MFHAS1: variants seen among roughly 807,000 people sequenced by gnomAD.
MFHAS1 encodes the protein multifunctional ROCO family signaling regulator 1, also known as malignant fibrous histiocytoma-amplified sequence 1.
MFHAS1 carries 50 observed loss-of-function variants against 70.4 expected under a neutral mutation model. The observed-to-expected ratio is 0.71, with a 90% confidence interval of 0.57 to 0.90. MFHAS1 has a LOEUF of 0.90. Ranked by LOEUF, MFHAS1 falls within the 40% of genes least tolerant of loss-of-function variation. MFHAS1 has a pLI of 0.00. For missense variants in MFHAS1, 1,795 were observed against 1,347.6 expected, an observed-to-expected ratio of 1.33 and a Z score of -5.20; for synonymous variants, 952 against 620.0, an observed-to-expected ratio of 1.54 and a Z score of -7.96.
chr8:8,869,990 C>A (rs888255287), intron 1 of MFHAS1, among the ~76,000 whole-genome samples: 1 of 152,184 alleles, frequency 6.6e-6, no homozygotes, highest in Non-Finnish European at 1.5e-5. Flanking sequence ...TTCCACACTG[C>A]TGCCCTGAGT....
At chr8:8,821,327 T>A (rs1010580327) in intron 1 of MFHAS1, among the ~76,000 whole-genome samples, 1 of 152,228 alleles carries the variant, frequency 6.6e-6, no homozygotes, top group South Asian at 2.1e-4. Flanking sequence ...CTACTAAGCC[T>A]ATTTCCACCC....
chr8:8,819,833 A>G (rs1362699910), intron 1 of MFHAS1, among the ~76,000 whole-genome samples: 1 of 151,968 alleles, frequency 6.6e-6, no homozygotes, highest in African/African-American at 2.4e-5. Context: ...CGAGTTTCTG[A>G]GACCACAGGT....
intron 1 of MFHAS1, among the ~76,000 whole-genome samples, chr8:8,801,086 G>A (rs1166994306): frequency 5.3e-5 from 8 of 152,062 alleles, no homozygotes; most frequent in Non-Finnish European, 1.0e-4. Flanking sequence ...GTGGTGGCAC[G>A]CGCCTGTAGT....
At chr8:8,825,879 C>T (rs757509703) in intron 1 of MFHAS1, among the ~76,000 whole-genome samples, 6 of 152,106 alleles carry the variant, frequency 3.9e-5, no homozygotes, top group Admixed American at 6.6e-5. Flanking sequence ...TCCTTCAGCT[C>T]CTGGAGATTG....
chr8:8,801,403 C>A (rs996173240), intron 1 of MFHAS1, among the ~76,000 whole-genome samples: 1 of 152,180 alleles, frequency 6.6e-6, no homozygotes, highest in Non-Finnish European at 1.5e-5. Context: ...AAGTTTCACA[C>A]ATGTGAAAAA....
intron 1 of MFHAS1, among the ~76,000 whole-genome samples, chr8:8,845,598 G>T (rs558252776): frequency 6.6e-6 from 1 of 152,098 alleles, no homozygotes; most frequent in South Asian, 2.1e-4. Flanking sequence ...CTTCCTCAGT[G>T]GTCTTTTCTA....
At chr8:8,843,734 C>A (rs1008394185) in intron 1 of MFHAS1, among the ~76,000 whole-genome samples, 3 of 152,136 alleles carry the variant, frequency 2.0e-5, no homozygotes, top group Non-Finnish European at 4.4e-5. Context: ...TCTCCCCACA[C>A]GTCACCCTGC....
intron 1 of MFHAS1, among the ~76,000 whole-genome samples, chr8:8,850,570 G>C (rs948696334): frequency 6.6e-6 from 1 of 152,024 alleles, no homozygotes; most frequent in Non-Finnish European, 1.5e-5. Flanking sequence ...GGTCGGGTGC[G>C]GTAGCTCACG....
chr8:8,787,793 C>G (rs1386062935), intron 2 of MFHAS1, among the ~76,000 whole-genome samples: 2 of 152,234 alleles, frequency 1.3e-5, no homozygotes, highest in East Asian at 1.9e-4. Flanking sequence ...GAAATGCAGA[C>G]AGTCTGCTCC....
At chr8:8,794,259 A>T (rs540421493) in intron 2 of MFHAS1, among the ~76,000 whole-genome samples, 2 of 152,110 alleles carry the variant, frequency 1.3e-5, no homozygotes, top group African/African-American at 4.8e-5. Context: ...GTTGAAAGCC[A>T]GTGCAATAGC....
chr8:8,833,831 T>G (rs938741795), intron 1 of MFHAS1, among the ~76,000 whole-genome samples: 2 of 152,158 alleles, frequency 1.3e-5, no homozygotes, highest in African/African-American at 4.8e-5. Context: ...CATACTGCAG[T>G]ACTTCCTAAA....
rs1281729439 is a variant in MFHAS1, at chr8:8,891,412, C to G, written c.1647G>C (p.Glu549Asp). ...TCTGGCGGTGAATGTCCAGACATTTCTCCTCCAGCTCACGCTCTCCGCACA... is the reference window on the plus strand; with the variant it reads ...TCTGGCGGTGAATGTCCAGACATTTGTCCTCCAGCTCACGCTCTCCGCACA... ...ADLCGERELE[E>D]KCLDIHRQIA... Residue 549 changes from glutamate (E) to aspartate (D), a missense_variant, in exon 1 of 3, where the codon GAG becomes GAC. Coordinates refer to ENST00000276282, the MANE Select transcript of MFHAS1 (RefSeq NM_004225.3). The surrounding 1 kb of genome is among the most constrained non-coding windows in gnomAD (Gnocchi z 5.4). 3 of 1,612,670 alleles carry G rather than the reference C, an allele frequency of 1.9e-6. No homozygotes were observed. The East Asian group carries it at 6.7e-5, about 36-fold the overall frequency.
intron 1 of MFHAS1, among the ~76,000 whole-genome samples, chr8:8,826,770 G>A (rs1807179964): frequency 6.6e-6 from 1 of 151,994 alleles, no homozygotes; most frequent in African/African-American, 2.4e-5. Flanking sequence ...AAATATTTTG[G>A]GTTTTCCGAT....
chr8:8,813,933 T>TTTTATC (rs1806641629), intron 1 of MFHAS1, among the ~76,000 whole-genome samples: 2 of 151,748 alleles, frequency 1.3e-5, no homozygotes, highest in African/African-American at 4.8e-5. Flanking sequence ...TATACCACAT[T>TTTTATC]TTTATCTTTT....
intron 1 of MFHAS1, among the ~76,000 whole-genome samples, chr8:8,847,958 A>G (rs1337144831): frequency 2.0e-5 from 3 of 152,238 alleles, no homozygotes; most frequent in African/African-American, 7.2e-5. Flanking sequence ...TGTGATGCAC[A>G]CATGTAACAT....
intron 2 of MFHAS1, among the ~76,000 whole-genome samples, chr8:8,792,132 G>C (rs1412418431): frequency 6.6e-6 from 1 of 150,498 alleles, no homozygotes; most frequent in Non-Finnish European, 1.5e-5. Context: ...CAGCTACTCG[G>C]CAGGGATAAC....
rs145250762 is a variant in MFHAS1, at chr8:8,849,064, CTTTTTTTTTTT to C, written c.2998+40986_2998+40996del. Among the ~76,000 whole-genome samples, 186 of 75,806 alleles carry C rather than the reference CTTTTTTTTTTT, an allele frequency of 2.5e-3. 1 individual carries two copies. The East Asian group carries it at 0.049, about 20-fold the overall frequency. 49.7% of individuals were successfully genotyped at this position (75,806 alleles called of 152,430 possible). A position where few individuals can be genotyped will look rare whatever the true frequency, so the allele number is the denominator to read the frequency against. Reference sequence around the variant, plus strand: ...TCTGCAGCAATTAATTCCTTTTTACCTTTTTTTTTTTTTTTTTTTTTTTTTTTTTTTGGAGA... The same window carrying C: ...TCTGCAGCAATTAATTCCTTTTTACCTTTTTTTTTTTTTTTTTTTTGGAGA... On this transcript the variant is annotated intron_variant, in intron 1 of 2. Coordinates refer to ENST00000276282, the MANE Select transcript of MFHAS1 (RefSeq NM_004225.3).
chr8:8,810,461 C>T (rs1235659650), intron 1 of MFHAS1, among the ~76,000 whole-genome samples: 1 of 152,216 alleles, frequency 6.6e-6, no homozygotes, highest in African/African-American at 2.4e-5. Flanking sequence ...TCTTCCACTT[C>T]TGCCACCTCC....
intron 1 of MFHAS1, among the ~76,000 whole-genome samples, chr8:8,878,094 G>C (rs893530303): frequency 6.6e-6 from 1 of 152,122 alleles, no homozygotes; most frequent in Non-Finnish European, 1.5e-5. Context: ...TGAGACCCCT[G>C]ATGGCGCTCT....
Sources: gnomAD v4.1 joint callset for allele counts (sites outside exome capture counted in the v4.1 genomes callset) on GRCh38, gnomAD v4.1.1 for gene constraint, Gnocchi (gnomAD v3.1) non-coding constraint, MANE v1.5 for transcripts, NCBI Gene and HGNC (gene_info 2026-07-23, HGNC 2026-07-21) for gene names.